The following OPCML variants were observed in gnomAD, a reference collection of about 807,000 sequenced individuals.
The protein encoded by OPCML is opioid binding protein/cell adhesion molecule like.
In OPCML, 13 loss-of-function variants were observed where a neutral mutation model predicts 37.8. The observed-to-expected ratio is 0.34, with a 90% CI of 0.22 to 0.55. OPCML has a LOEUF of 0.55. Among genes scored for constraint, OPCML ranks in the 20% least tolerant of loss-of-function variants. The pLI is 0.91. For missense variants in OPCML, 341 were observed against 435.6 expected (o/e 0.78, Z 1.93); for synonymous variants, 176 against 168.8 (o/e 1.04, Z -0.33).
intron 1 of OPCML, among the ~76,000 whole-genome samples, chr11:133,307,975 T>G (rs1024455910): frequency 6.6e-6 from 1 of 152,092 alleles, no homozygotes; most frequent in Non-Finnish European, 1.5e-5. Flanking sequence ...GAGTTCTGAA[T>G]CATGTTTAGT....
intron 2 of OPCML, among the ~76,000 whole-genome samples, chr11:132,689,145 T>G (rs1943301561): frequency 6.6e-6 from 1 of 152,126 alleles, no homozygotes; most frequent in African/African-American, 2.4e-5. Flanking sequence ...CCATAATTAT[T>G]TTTAATACAT....
intron 3 of OPCML, among the ~76,000 whole-genome samples, chr11:132,635,154 A>G (rs1295833167): frequency 6.6e-6 from 1 of 152,182 alleles, no homozygotes; most frequent in African/African-American, 2.4e-5. Flanking sequence ...ATGGCCAATT[A>G]TTTAGAGGTC....
chr11:133,517,246 A>G (rs1391586654), intron 1 of OPCML, among the ~76,000 whole-genome samples: 7 of 152,228 alleles, frequency 4.6e-5, no homozygotes, highest in Admixed American at 2.0e-4. Flanking sequence ...ATCATTATAT[A>G]TAAGAAAAAA....
chr11:133,354,775 A>G (rs1944245603), intron 1 of OPCML, among the ~76,000 whole-genome samples: 2 of 152,230 alleles, frequency 1.3e-5, no homozygotes, highest in South Asian at 4.1e-4. Context: ...AAAGTAACAC[A>G]GCATGCATAT....
chr11:132,642,145 C>G (rs1231551379), intron 3 of OPCML, among the ~76,000 whole-genome samples: 1 of 152,154 alleles, frequency 6.6e-6, no homozygotes, highest in East Asian at 1.9e-4. Context: ...TTTCTATTTC[C>G]TGGCATAAGT....
chr11:133,522,615 G>A lies in OPCML; in HGVS notation c.61+9649C>T, dbSNP rs116305436. ...CAGTAATGGTCAAGGTTATAGGTCCGTTTTCCAGCAGCGTAACAGATTGGG... is the reference window on the plus strand; with the variant it reads ...CAGTAATGGTCAAGGTTATAGGTCCATTTTCCAGCAGCGTAACAGATTGGG... On this transcript the variant is annotated intron_variant, in intron 1 of 7. Transcript: ENST00000524381. Among the ~76,000 whole-genome samples, 957 of 152,262 alleles carry A rather than the reference G, an allele frequency of 6.3e-3. 9 individuals are homozygous for A. The highest frequency in any genetic ancestry group is 0.022 in the African/African-American group (906 of 41,538).
At chr11:133,003,679 A>C in intron 1 of OPCML, 1 of 985,414 alleles carries the variant, frequency 1.0e-6, no homozygotes, top group Non-Finnish European at 1.2e-6. Flanking sequence ...CAAAATACCC[A>C]GCATTCTATT....
At chr11:132,683,848 C>A (rs935761213) in intron 2 of OPCML, among the ~76,000 whole-genome samples, 1 of 152,022 alleles carries the variant, frequency 6.6e-6, no homozygotes, top group Non-Finnish European at 1.5e-5. Context: ...GTGAGTTTTG[C>A]CCTCTGTGAA....
rs2095947142 is a variant in OPCML, at chr11:132,418,744, T to C, written c.*1449A>G. 6.6e-6 allele frequency: 1 copy of C among 152,416 alleles called. No homozygotes were observed. Among genetic ancestry groups the C allele is most frequent in the African/African-American group, 2.4e-5 (1 of 41,462 alleles). 9.4% of individuals were successfully genotyped at this position (152,416 alleles called of 1,614,324 possible). The stretch of plus-strand genomic sequence containing the variant: ...TCATCCCACTCAGGCGGGTGGACTC[T>C]TCACTTTGCATTGCAGAGACAGATG... On this transcript the variant is annotated 3_prime_UTR_variant, in exon 8 of 8. Coordinates refer to ENST00000524381, the MANE Select transcript of OPCML (RefSeq NM_001012393.5).
At chr11:132,462,683 A>G (rs2096106710) in intron 4 of OPCML, among the ~76,000 whole-genome samples, 1 of 152,240 alleles carries the variant, frequency 6.6e-6, no homozygotes, top group African/African-American at 2.4e-5. Context: ...GAAGGGGGGA[A>G]GAATGGTCAT....
chr11:133,026,054 A>G, intron 1 of OPCML: 1 of 984,902 alleles, frequency 1.0e-6, no homozygotes, highest in South Asian at 4.7e-5. Flanking sequence ...TTTTTACTGT[A>G]TTATTGTTTC....
intron 1 of OPCML, among the ~76,000 whole-genome samples, chr11:133,330,748 A>T (rs1943599970): frequency 6.6e-6 from 1 of 152,128 alleles, no homozygotes; most frequent in Non-Finnish European, 1.5e-5. Context: ...TGACGAGTTA[A>T]TGGGTGCAGC....
intron 3 of OPCML, among the ~76,000 whole-genome samples, chr11:132,599,120 A>C (rs1937648298): frequency 6.6e-6 from 1 of 152,190 alleles, no homozygotes; most frequent in Non-Finnish European, 1.5e-5. Context: ...CTCTACTAAA[A>C]ATACAAAAAT....
chr11:132,551,862 C>T lies in OPCML; in HGVS notation c.380-22676G>A, dbSNP rs139651955. ...TGCACAGCCGGCTCTGCGTGAATTA[C>T]TCTTTCTCTCTTGCAATTCCCCTGT... On this transcript the variant is annotated intron_variant, in intron 3 of 7. Coordinates refer to ENST00000524381, the MANE Select transcript of OPCML (RefSeq NM_001012393.5). Among the ~76,000 whole-genome samples, 405 of 152,306 alleles carry T rather than the reference C, an allele frequency of 2.7e-3. 5 individuals are homozygous for T. The highest frequency in any genetic ancestry group is 9.4e-3 in the African/African-American group (392 of 41,562).
chr11:132,501,277 C>A (rs1336483836), intron 4 of OPCML, among the ~76,000 whole-genome samples: 1 of 152,138 alleles, frequency 6.6e-6, no homozygotes, highest in African/African-American at 2.4e-5. Flanking sequence ...CATAAAAACC[C>A]TCGAAGAAAA....
chr11:133,125,298 G>A lies in OPCML; in HGVS notation c.62-182288C>T, dbSNP rs974522663. 2.0e-5 allele frequency among the ~76,000 whole-genome samples: 3 copies of A among 151,960 alleles called. No homozygotes were observed. In the East Asian group the frequency reaches 5.8e-4, roughly 29 times the overall value. ...GGTTAATTAATCAAAGCCATTCCCA[G>A]TGTCTATGTTTGAGCTTTACCTACC... On this transcript the variant is annotated intron_variant, in intron 1 of 7. Coordinates refer to ENST00000524381, the MANE Select transcript of OPCML (RefSeq NM_001012393.5).
chr11:132,631,203 A>T (rs576457537), intron 3 of OPCML, among the ~76,000 whole-genome samples: 119 of 151,770 alleles, frequency 7.8e-4, no homozygotes, highest in African/African-American at 2.5e-3. Flanking sequence ...AGAACTTTTT[A>T]AAAAAAATTC....
chr11:133,016,969 G>A (rs1298854115), intron 1 of OPCML, among the ~76,000 whole-genome samples: 1 of 152,214 alleles, frequency 6.6e-6, no homozygotes, highest in East Asian at 1.9e-4. Flanking sequence ...TGAAATATGT[G>A]TTTTTAACAA....
chr11:133,344,890 C>A (rs1359087373), intron 1 of OPCML, among the ~76,000 whole-genome samples: 1 of 152,110 alleles, frequency 6.6e-6, no homozygotes, highest in Non-Finnish European at 1.5e-5. Flanking sequence ...ATTGGGACAC[C>A]TCTTAGGAGC....
Sources: allele counts gnomAD v4.1 joint callset (sites outside exome capture counted in the v4.1 genomes callset), GRCh38; gene constraint gnomAD v4.1.1; transcripts MANE v1.5; gene names NCBI Gene and HGNC (gene_info 2026-07-23, HGNC 2026-07-21).